Variants in ACOX3 observed in about 807,000 individuals in gnomAD.
ACOX3 encodes the protein acyl-CoA oxidase 3, pristanoyl.
Under a neutral mutation model 81.5 loss-of-function variants are expected in ACOX3, and 73 were observed. The ratio of observed to expected loss-of-function variants is 0.90; its 90% CI spans 0.74 to 1.09. The LOEUF (loss-of-function observed/expected upper bound fraction) is 1.09. Ranked by LOEUF, ACOX3 falls within the 50% of genes least tolerant of loss-of-function variation. The pLI, the probability that ACOX3 is intolerant of heterozygous loss-of-function variation, is 0.00. For missense variants in ACOX3, 947 were observed against 928.0 expected (o/e 1.02, Z -0.27); for synonymous variants, 387 against 375.1 (o/e 1.03, Z -0.37).
chr4:8,381,119 C>T lies in ACOX3; in HGVS notation c.1653+373G>A, dbSNP rs1268604240. Among the ~76,000 whole-genome samples, 1 of 152,212 alleles carries T rather than the reference C, an allele frequency of 6.6e-6. No homozygotes were observed. Among genetic ancestry groups the T allele is most frequent in the Non-Finnish European group, 1.5e-5 (1 of 68,036 alleles). The stretch of plus-strand genomic sequence containing the variant: ...GAAGGCGAGAGCAACTTGTGGAAAA[C>T]CAAGCAGGGCGCTGGCATCACTCCC... On this transcript the variant is annotated intron_variant, in intron 14 of 17. Coordinates refer to ENST00000356406, the MANE Select transcript of ACOX3 (RefSeq NM_003501.3). This position sits in a 1 kb window ranked among gnomAD's most constrained non-coding sequence, Gnocchi z 4.3.
chr4:8,390,046 T>G (rs1718779022), intron 11 of ACOX3, among the ~76,000 whole-genome samples: 1 of 145,066 alleles, frequency 6.9e-6, no homozygotes, highest in African/African-American at 2.7e-5. Flanking sequence ...GAGGTTGCAG[T>G]GAGCCGAGAT....
Position 8,405,771 on chromosome 4 carries a change from C to G in ACOX3, c.776+184G>C, listed in dbSNP as rs2108929892. Among the ~76,000 whole-genome samples, 1 of 152,316 alleles carries G rather than the reference C, an allele frequency of 6.6e-6. No individual in the cohort carries two copies. The highest frequency in any genetic ancestry group is 3.4e-3 in the Middle Eastern group (1 of 294). ...GAGGTCTCTGATCAAGTTGGCCTCC[C>G]AAAGTGGAGTTCAAGCAGGACGTGG... On this transcript the variant is annotated intron_variant, in intron 7 of 17. Coordinates refer to ENST00000356406, the MANE Select transcript of ACOX3 (RefSeq NM_003501.3). This position sits in a 1 kb window ranked among gnomAD's most constrained non-coding sequence, Gnocchi z 7.1.
Position 8,385,535 on chromosome 4 carries a change from C to T in ACOX3, c.1537+3638G>A, listed in dbSNP as rs1424033449. Reference sequence around the variant, plus strand: ...GCCAGCTAAACAACAGGGCCCACTGCAGGAAGCAACAGCACAGGCCCCCAA... The same window carrying T: ...GCCAGCTAAACAACAGGGCCCACTGTAGGAAGCAACAGCACAGGCCCCCAA... On this transcript the variant is annotated intron_variant, in intron 13 of 17. Coordinates refer to ENST00000356406, the MANE Select transcript of ACOX3 (RefSeq NM_003501.3). The surrounding 1 kb of genome is among the most constrained non-coding windows in gnomAD (Gnocchi z 5.5). Among the ~76,000 whole-genome samples the T allele has an allele frequency of 6.6e-6, 1 of 152,236 alleles. No individual in the cohort carries two copies. The highest frequency in any genetic ancestry group is 2.4e-5 in the African/African-American group (1 of 41,458).
At chr4:8,378,384 G>A (rs1016360400) in intron 14 of ACOX3, among the ~76,000 whole-genome samples, 6 of 152,224 alleles carry the variant, frequency 3.9e-5, no homozygotes, top group South Asian at 2.1e-4. Context: ...AGAATCCAGC[G>A]TGTGGCTCAG....
intron 16 of ACOX3, 70 bp downstream of exon 16, chr4:8,373,491 A>G (rs1296641799): frequency 2.0e-6 from 3 of 1,521,766 alleles, no homozygotes; most frequent in African/African-American, 2.8e-5. Context: ...GGTGATGCTA[A>G]GGGGATGCGT....
downstream of ACOX3, among the ~76,000 whole-genome samples, chr4:8,363,094 T>C (rs570083370): frequency 2.6e-5 from 4 of 152,370 alleles, no homozygotes; most frequent in Admixed American, 1.3e-4. Flanking sequence ...TGCTTATTCC[T>C]GTGAACCAAC....
At chr4:8,426,444 C>T (rs1723489198) in intron 1 of ACOX3, among the ~76,000 whole-genome samples, 1 of 152,034 alleles carries the variant, frequency 6.6e-6, no homozygotes, top group Non-Finnish European at 1.5e-5. Flanking sequence ...AGAGGATCTG[C>T]ACCTGCTCTT....
intron 1 of ACOX3, among the ~76,000 whole-genome samples, chr4:8,436,722 G>A (rs1321707489): frequency 1.3e-5 from 2 of 151,900 alleles, no homozygotes. Flanking sequence ...GGTGGCTCAC[G>A]CCTATAATCC....
At chr4:8,417,604 G>A (rs1722482313) in intron 1 of ACOX3, among the ~76,000 whole-genome samples, 1 of 152,192 alleles carries the variant, frequency 6.6e-6, no homozygotes, top group African/African-American at 2.4e-5. Context: ...TCAGAGTCAT[G>A]CCTTTCAAGT....
At chr4:8,395,810 A>G (rs1041324026) in intron 9 of ACOX3, among the ~76,000 whole-genome samples, 20 of 152,172 alleles carry the variant, frequency 1.3e-4, no homozygotes, top group African/African-American at 4.8e-4. Context: ...ACAGGCTCAT[A>G]GCCCTGGTCA....
At chr4:8,435,954 C>T (rs1579012510) in intron 1 of ACOX3, among the ~76,000 whole-genome samples, 1 of 152,118 alleles carries the variant, frequency 6.6e-6, no homozygotes, top group East Asian at 1.9e-4. Context: ...CTCAAGAGGC[C>T]AAGGAAGGAA....
chr4:8,359,101 C>A, the ACOX3 span, among the ~76,000 whole-genome samples: 4 of 152,152 alleles, frequency 2.6e-5, no homozygotes, highest in South Asian at 8.3e-4. This position sits in a 1 kb window ranked among gnomAD's most constrained non-coding sequence, Gnocchi z 6.0. Flanking sequence ...ATCTTTCTGG[C>A]GACCACAGAA....
intron 6 of ACOX3, among the ~76,000 whole-genome samples, chr4:8,409,259 C>G (rs1046404875): frequency 6.6e-6 from 1 of 152,256 alleles, no homozygotes; most frequent in Non-Finnish European, 1.5e-5. Context: ...AGGCCTGCAG[C>G]TCCTGTGGCC....
chr4:8,389,421 G>T lies in ACOX3; in HGVS notation c.1424-135C>A. 2 of 1,262,722 alleles carry T rather than the reference G, an allele frequency of 1.6e-6. No individual in the cohort carries two copies. The highest frequency in any genetic ancestry group is 2.2e-6 in the Non-Finnish European group (2 of 912,184). The allele number at this position is 1,262,722 out of a possible 1,614,324, so 78.2% of individuals were successfully genotyped here. A position where few individuals can be genotyped will look rare whatever the true frequency, so the allele number is the denominator to read the frequency against. On this transcript the variant is annotated intron_variant, in intron 12 of 17. Coordinates refer to ENST00000356406, the MANE Select transcript of ACOX3 (RefSeq NM_003501.3). The surrounding 1 kb of genome is among the most constrained non-coding windows in gnomAD (Gnocchi z 5.3). The stretch of plus-strand genomic sequence containing the variant: ...CACAGACCCACAGGCGAGGGTCTGG[G>T]TCTCAAGGACCCTCCCCACCCCAGC...
Position 8,416,289 on chromosome 4 carries a change from G to A in ACOX3, c.144+89C>T. 1 of 1,605,678 alleles carries A rather than the reference G, an allele frequency of 6.2e-7. No individual in the cohort carries two copies. Among genetic ancestry groups the A allele is most frequent in the Non-Finnish European group, 8.5e-7 (1 of 1,174,968 alleles). On this transcript the variant is annotated intron_variant, in intron 2 of 17. Transcript: ENST00000356406. The surrounding 1 kb of genome is among the most constrained non-coding windows in gnomAD (Gnocchi z 4.2). ...GGGATGAGCCTCGCCCGGCAGAGGA[G>A]GAGCTGTGAGAGCCAGAAATCCCAT...
At position 8,370,795 on chromosome 4, in the gene ACOX3, G is replaced by A; in HGVS notation, c.1983+113C>T. 14 of 949,124 alleles carry A rather than the reference G, an allele frequency of 1.5e-5. No homozygotes were observed. The South Asian group carries it at 2.1e-4, about 14-fold the overall frequency. 58.8% of individuals were successfully genotyped at this position (949,124 alleles called of 1,614,324 possible). ...GGCCCTCCCCAAGAAGCTCCTCCAT[G>A]TGTGACCACTTTCCAGAAGACACCA... On this transcript the variant is annotated intron_variant, in intron 17 of 17. Coordinates refer to ENST00000356406, the MANE Select transcript of ACOX3 (RefSeq NM_003501.3). This position sits in a 1 kb window ranked among gnomAD's most constrained non-coding sequence, Gnocchi z 6.3.
Position 8,416,255 on chromosome 4 carries a change from G to T in ACOX3, c.144+123C>A. 1 of 1,518,580 alleles carries T rather than the reference G, an allele frequency of 6.6e-7. No homozygotes were observed. Among genetic ancestry groups the T allele is most frequent in the Non-Finnish European group, 9.1e-7 (1 of 1,101,162 alleles). 94.1% of individuals were successfully genotyped at this position (1,518,580 alleles called of 1,614,324 possible). A position where few individuals can be genotyped will look rare whatever the true frequency, so the allele number is the denominator to read the frequency against. On this transcript the variant is annotated intron_variant, in intron 2 of 17. Coordinates refer to ENST00000356406, the MANE Select transcript of ACOX3 (RefSeq NM_003501.3). This position sits in a 1 kb window ranked among gnomAD's most constrained non-coding sequence, Gnocchi z 4.2. ...CTGGGGTGCAGAGAGGAGAGAGGCC[G>T]CGCTGCCTGGGATGAGCCTCGCCCG... is the stretch of plus-strand genomic sequence containing the variant.
intron 10 of ACOX3, among the ~76,000 whole-genome samples, chr4:8,393,583 A>C (rs1327500914): frequency 6.6e-6 from 1 of 151,310 alleles, no homozygotes; most frequent in Non-Finnish European, 1.5e-5. Context: ...ACAATTAAAA[A>C]GGAAAAACAA....
At position 8,399,347 on chromosome 4, in the gene ACOX3, C is replaced by A. The variant is rs535901993; in HGVS notation, c.873+209G>T. Among the ~76,000 whole-genome samples the A allele has an allele frequency of 3.9e-5, 6 of 152,316 alleles. No individual in the cohort carries two copies. In the East Asian group the frequency reaches 1.2e-3, roughly 29 times the overall value. ...GGCATTGTAAGGCCCGGACTCACCCCCTGGACACCAGCACCTGGTGCTGTG... is the reference window on the plus strand; with the variant it reads ...GGCATTGTAAGGCCCGGACTCACCCACTGGACACCAGCACCTGGTGCTGTG... On this transcript the variant is annotated intron_variant, in intron 8 of 17. Transcript: ENST00000356406. The surrounding 1 kb of genome is among the most constrained non-coding windows in gnomAD (Gnocchi z 4.9).
Sources: gnomAD v4.1 joint callset for allele counts (sites outside exome capture counted in the v4.1 genomes callset) on GRCh38, gnomAD v4.1.1 for gene constraint, Gnocchi (gnomAD v3.1) non-coding constraint, MANE v1.5 for transcripts, NCBI Gene and HGNC (gene_info 2026-07-23, HGNC 2026-07-21) for gene names.